The following CIT variants were observed in gnomAD, a reference collection of about 807,000 sequenced individuals.
CIT encodes citron rho-interacting serine/threonine kinase, also known as citron Rho-interacting kinase.
In CIT, 79 loss-of-function variants were observed where a neutral mutation model predicts 272.7. The observed-to-expected ratio is 0.29, with a 90% CI of 0.24 to 0.35. CIT has a LOEUF of 0.35. CIT is among the 10% of genes least tolerant of loss of function. The pLI is 1.00. For synonymous variants in CIT, 948 were observed against 995.6 expected, an observed-to-expected ratio of 0.95 and a Z score of 0.90; for missense variants, 1,909 against 2,618.3, an observed-to-expected ratio of 0.73 and a Z score of 5.91.
At chr12:119,814,040 T>C (rs995195018) in intron 9 of CIT, among the ~76,000 whole-genome samples, 5 of 152,198 alleles carry the variant, frequency 3.3e-5, no homozygotes, top group Admixed American at 2.6e-4. Context: ...AACTTCCTTG[T>C]TTTTACTTTC....
intron 3 of CIT, among the ~76,000 whole-genome samples, chr12:119,867,417 G>A (rs1169464071): frequency 6.6e-6 from 1 of 152,150 alleles, no homozygotes; most frequent in African/African-American, 2.4e-5. Flanking sequence ...TGGAACTCCT[G>A]ACCTCAAGTG....
At chr12:119,779,032 C>T (rs1964049157) in intron 13 of CIT, among the ~76,000 whole-genome samples, 1 of 152,048 alleles carries the variant, frequency 6.6e-6, no homozygotes, top group Admixed American at 6.6e-5. Context: ...CCAGCCTGGC[C>T]AACATAGTGA....
At chr12:119,857,868 T>C (rs1402647432) in intron 3 of CIT, among the ~76,000 whole-genome samples, 170 bp from the exon 4 acceptor site, 1 of 152,248 alleles carries the variant, frequency 6.6e-6, no homozygotes, top group Non-Finnish European at 1.5e-5. Context: ...AAAAGTGTTT[T>C]TATATGTTAA....
Position 119,804,160 on chromosome 12 carries a change from T to C in CIT, c.1112-771A>G, listed in dbSNP as rs761608923. The C allele has an allele frequency of 8.0e-5, 79 of 985,402 alleles. No individual in the cohort carries two copies. The highest frequency in any genetic ancestry group is 9.4e-5 in the Non-Finnish European group (78 of 830,020). The allele number at this position is 985,402 out of a possible 1,614,324, so 61.0% of individuals were successfully genotyped here. On this transcript the variant is annotated intron_variant, in intron 9 of 47. Transcript: ENST00000392521. This position sits in a 1 kb window ranked among gnomAD's most constrained non-coding sequence, Gnocchi z 5.3. ...TGCACGGATGGACATATGCGGCTCC[T>C]ACCTCCTCAGGGCTTCACTCCCGGC...
rs773722710 is a variant in CIT at position 119,776,699 on chromosome 12, C to T, written c.1809G>A (p.Ala603=). 1.2e-5 allele frequency: 20 copies of T among 1,613,666 alleles called. No homozygotes were observed. The South Asian group carries it at 1.8e-4, about 14-fold the overall frequency. The change falls in exon 14 of 48, where the codon GCG becomes GCA. Residue 603 remains alanine, a synonymous_variant. Coordinates refer to ENST00000392521, the MANE Select transcript of CIT (RefSeq NM_001206999.2). ...RLAAEEFKRK[A]TECQHKLLKA... is the part of the protein sequence containing the mutation. ...TCAACAGTTTATGCTGACATTCTGT[C>T]GCTTTCCGCTTGAATTCTTCAGCAG... is the stretch of plus-strand genomic sequence containing the variant.
intron 5 of CIT, among the ~76,000 whole-genome samples, chr12:119,844,082 C>T (rs1039184055): frequency 6.8e-6 from 1 of 147,576 alleles, no homozygotes; most frequent in Non-Finnish European, 1.5e-5. Flanking sequence ...AGTGCAGTGG[C>T]ATGACCTTGG....
At chr12:119,741,647 A>C (rs141114887) in intron 24 of CIT, among the ~76,000 whole-genome samples, 1 of 152,320 alleles carries the variant, frequency 6.6e-6, no homozygotes, top group Non-Finnish European at 1.5e-5. Flanking sequence ...TCACAAATGC[A>C]AATAATACAA....
In CIT at chr12:119,712,719, A is replaced by T; in HGVS notation, c.4580-24T>A. 1 of 1,584,628 alleles carries T rather than the reference A, an allele frequency of 6.3e-7. No homozygotes were observed. Among genetic ancestry groups the T allele is most frequent in the Non-Finnish European group, 8.7e-7 (1 of 1,153,350 alleles). On this transcript the variant is annotated intron_variant, in intron 35 of 47. Coordinates refer to ENST00000392521, the MANE Select transcript of CIT (RefSeq NM_001206999.2). This position sits in a 1 kb window ranked among gnomAD's most constrained non-coding sequence, Gnocchi z 5.2. ...AGCTTGGTGCAAAGAGGAAGGGCAG[A>T]AAGAAAAACAAAAGAACAGGAACAA...
chr12:119,854,075 T>A (rs1198819532), intron 4 of CIT, among the ~76,000 whole-genome samples: 1 of 151,830 alleles, frequency 6.6e-6, no homozygotes, highest in Non-Finnish European at 1.5e-5. Context: ...TTGCCCAGGC[T>A]GTAGTGCAGT....
Position 119,804,182 on chromosome 12 carries a change from C to T in CIT, c.1112-793G>A, listed in dbSNP as rs903933413. ...TCCTACCTCCTCAGGGCTTCACTCC[C>T]GGCTGGGGGCGTGTTACATCCTCTC... On this transcript the variant is annotated intron_variant, in intron 9 of 47. Coordinates refer to ENST00000392521, the MANE Select transcript of CIT (RefSeq NM_001206999.2). The surrounding 1 kb of genome is among the most constrained non-coding windows in gnomAD (Gnocchi z 5.3). The T allele has an allele frequency of 4.2e-5, 41 of 985,414 alleles. No individual in the cohort carries two copies. The highest frequency in any genetic ancestry group is 4.7e-5 in the Non-Finnish European group (39 of 830,048). The allele number at this position is 985,414 out of a possible 1,614,324, so 61.0% of individuals were successfully genotyped here. A position where few individuals can be genotyped will look rare whatever the true frequency, so the allele number is the denominator to read the frequency against.
chr12:119,697,791 C>T lies in CIT; in HGVS notation c.5750G>A (p.Gly1917Asp). The T allele has an allele frequency of 6.2e-7, 1 of 1,614,128 alleles. No homozygotes were observed. The highest frequency in any genetic ancestry group is 8.5e-7 in the Non-Finnish European group (1 of 1,180,018). ...AATCGCTCCTGAGGAAATGGCAGGG[C>T]CCAGGTAGCGCGGGTTCGGGATGTC... ...YLDIPNPRYL[G>D]PAISSGAIYL... The change falls in exon 46 of 48, where the codon GGC becomes GAC. Residue 1917 changes from glycine to aspartate, a missense_variant. Transcript: ENST00000392521. The surrounding 1 kb of genome is among the most constrained non-coding windows in gnomAD (Gnocchi z 4.9).
At chr12:119,702,017 A>G (rs1311440627) in intron 41 of CIT, 59 bp from the exon 42 acceptor site, 2 of 1,279,946 alleles carry the variant, frequency 1.6e-6, no homozygotes, top group Non-Finnish European at 2.3e-6. Flanking sequence ...GCCAAGGTCC[A>G]CAGCTGTTCT....
intron 24 of CIT, among the ~76,000 whole-genome samples, chr12:119,740,780 A>G (rs1343846520): frequency 6.6e-6 from 1 of 152,226 alleles, no homozygotes; most frequent in African/African-American, 2.4e-5. Context: ...CGAAGACAAC[A>G]AGAAACTAAA....
At chr12:119,824,128 A>ATATATG (rs1212791093) in intron 8 of CIT, among the ~76,000 whole-genome samples, 1 of 146,864 alleles carries the variant, frequency 6.8e-6, no homozygotes, top group Non-Finnish European at 1.5e-5. Context: ...ATATATATAT[A>ATATATG]TATATATATA....
chr12:119,811,942 A>G (rs1309501339), intron 9 of CIT, among the ~76,000 whole-genome samples: 1 of 131,442 alleles, frequency 7.6e-6, no homozygotes, highest in African/African-American at 2.8e-5. Flanking sequence ...ATTCCCCAGG[A>G]ATTTTTTTTT....
At position 119,708,734 on chromosome 12, in the gene CIT, C is replaced by T. The variant is rs191168767; in HGVS notation, c.5072-416G>A. ...CAAACTCCTGACCTTGTGATCTGCC[C>T]GCCTCAGCCTCCCAAAGTGCTGAGA... On this transcript the variant is annotated intron_variant, in intron 39 of 47. Transcript: ENST00000392521. Among the ~76,000 whole-genome samples, 10 of 152,146 alleles carry T rather than the reference C, an allele frequency of 6.6e-5. No individual in the cohort carries two copies. In the East Asian group the frequency reaches 9.7e-4, roughly 15 times the overall value.
chr12:119,835,264 G>A (rs1218470338), intron 5 of CIT, among the ~76,000 whole-genome samples: 1 of 152,204 alleles, frequency 6.6e-6, no homozygotes, highest in Non-Finnish European at 1.5e-5. Context: ...CTGCCTTTCA[G>A]TTTCATCCTC....
At chr12:119,811,747 T>G (rs1461043558) in intron 9 of CIT, among the ~76,000 whole-genome samples, 6 of 152,226 alleles carry the variant, frequency 3.9e-5, no homozygotes, top group Admixed American at 3.9e-4. Context: ...TTAACCAGAC[T>G]TCTTAACATT....
chr12:119,855,404 CAG>C lies in CIT; in HGVS notation c.414+2117_414+2118del, dbSNP rs569236091. Among the ~76,000 whole-genome samples the C allele has an allele frequency of 5.2e-4, 79 of 152,172 alleles. 1 individual carries two copies. In the East Asian group the frequency reaches 8.3e-3, roughly 16 times the overall value. On this transcript the variant is annotated intron_variant, in intron 4 of 47. Coordinates refer to ENST00000392521, the MANE Select transcript of CIT (RefSeq NM_001206999.2). ...CACCACTGCACTCCAGCCTGGGTGA[CAG>C]AGACTCTGTCTCAAAATAAATAAAT...
Sources: gnomAD v4.1 joint callset for allele counts (sites outside exome capture counted in the v4.1 genomes callset) on GRCh38, gnomAD v4.1.1 for gene constraint, Gnocchi (gnomAD v3.1) non-coding constraint, MANE v1.5 for transcripts, NCBI Gene and HGNC (gene_info 2026-07-23, HGNC 2026-07-21) for gene names.